Variants in ADK observed in about 807,000 individuals in gnomAD.
ADK encodes adenosine kinase.
A neutral mutation model predicts 44.7 loss-of-function variants in ADK; 24 were observed. The ratio of observed to expected loss-of-function variants is 0.54; its 90% CI spans 0.39 to 0.76. The LOEUF (loss-of-function observed/expected upper bound fraction) is 0.76. Ranked by LOEUF, ADK falls within the 30% of genes least tolerant of loss-of-function variation. ADK has a pLI of 0.00. For synonymous variants in ADK, 128 were observed against 142.6 expected, an observed-to-expected ratio of 0.90 and a Z score of 0.73; for missense variants, 321 against 425.1, an observed-to-expected ratio of 0.76 and a Z score of 2.15.
chr10:74,200,540 T>C (rs920933711), intron 1 of ADK, among the ~76,000 whole-genome samples: 3 of 151,986 alleles, frequency 2.0e-5, no homozygotes, highest in Admixed American at 2.0e-4. Flanking sequence ...TGTCTCATTG[T>C]AGTTTTGATT....
chr10:74,291,431 CAACAACAACAAT>C (rs1309304911), intron 3 of ADK, among the ~76,000 whole-genome samples: 1 of 151,954 alleles, frequency 6.6e-6, no homozygotes, highest in African/African-American at 2.4e-5. Context: ...ACAACAACAA[CAACAACAACAAT>C]AACAACAAAA....
chr10:74,489,598 C>T (rs1203647180), intron 6 of ADK, among the ~76,000 whole-genome samples: 1 of 151,860 alleles, frequency 6.6e-6, no homozygotes, highest in Non-Finnish European at 1.5e-5. Flanking sequence ...ATTCTGTTTC[C>T]TAAGGCATTC....
chr10:74,668,282 T>C (rs1199618969), intron 9 of ADK, among the ~76,000 whole-genome samples: 3 of 152,198 alleles, frequency 2.0e-5, no homozygotes, highest in Admixed American at 2.0e-4. Flanking sequence ...GTATTTCTAA[T>C]AAAGTCTGCT....
At chr10:74,412,786 A>C (rs913193356) in intron 6 of ADK, among the ~76,000 whole-genome samples, 1 of 152,184 alleles carries the variant, frequency 6.6e-6, no homozygotes. Context: ...AGCTGGGCAC[A>C]GTGGCTTATG....
At chr10:74,622,956 G>A (rs139236357) in intron 9 of ADK, among the ~76,000 whole-genome samples, 1,728 of 150,996 alleles carry the variant, frequency 0.011, 14 homozygotes, top group Non-Finnish European at 0.016. Flanking sequence ...GCGGTGAGCC[G>A]AGATCACACT....
At chr10:74,516,352 G>A (rs1245892926) in intron 6 of ADK, among the ~76,000 whole-genome samples, 3 of 152,030 alleles carry the variant, frequency 2.0e-5, no homozygotes, top group Admixed American at 1.3e-4. Flanking sequence ...CACCACAGGT[G>A]CATCTTCATT....
intron 3 of ADK, among the ~76,000 whole-genome samples, chr10:74,261,056 C>T (rs1314095320): frequency 2.0e-5 from 3 of 152,058 alleles, no homozygotes; most frequent in Non-Finnish European, 4.4e-5. Context: ...TACCTGTGCA[C>T]CCAGTTCTGA....
At chr10:74,206,141 G>T in intron 2 of ADK, among the ~76,000 whole-genome samples, 1 of 152,082 alleles carries the variant, frequency 6.6e-6, no homozygotes, top group East Asian at 1.9e-4. Context: ...AAAGTAAAGA[G>T]CAACTTAAAA....
chr10:74,332,479 G>T (rs1841252618), intron 4 of ADK, among the ~76,000 whole-genome samples: 1 of 152,200 alleles, frequency 6.6e-6, no homozygotes, highest in South Asian at 2.1e-4. Context: ...TCTCTTTGGA[G>T]ACTAGTATAA....
At chr10:74,564,258 A>G (rs954054366) in intron 7 of ADK, among the ~76,000 whole-genome samples, 5 of 152,144 alleles carry the variant, frequency 3.3e-5, no homozygotes, top group African/African-American at 1.2e-4. Context: ...AAGACGATTT[A>G]AGTTAAATGC....
chr10:74,530,014 A>G (rs890378613), intron 7 of ADK, among the ~76,000 whole-genome samples: 1 of 152,208 alleles, frequency 6.6e-6, no homozygotes, highest in Non-Finnish European at 1.5e-5. Flanking sequence ...AAATAATACA[A>G]CACCTTAATA....
At chr10:74,405,380 T>C (rs902115702) in intron 6 of ADK, among the ~76,000 whole-genome samples, 1 of 151,876 alleles carries the variant, frequency 6.6e-6, no homozygotes, top group Non-Finnish European at 1.5e-5. Context: ...TTTTTTTTTT[T>C]TCAAATGTGA....
chr10:74,168,310 C>A (rs1289368013), intron 1 of ADK, among the ~76,000 whole-genome samples: 2 of 152,006 alleles, frequency 1.3e-5, no homozygotes, highest in East Asian at 1.9e-4. Context: ...GAGGCCGAGG[C>A]GGGCAGATCA....
intron 9 of ADK, among the ~76,000 whole-genome samples, chr10:74,629,266 G>A (rs1015468756): frequency 6.6e-6 from 1 of 152,134 alleles, no homozygotes; most frequent in Non-Finnish European, 1.5e-5. Context: ...CTGGCCTCAA[G>A]TGATTCTCCT....
At chr10:74,651,705 C>A (rs1454133560) in intron 9 of ADK, among the ~76,000 whole-genome samples, 1 of 152,154 alleles carries the variant, frequency 6.6e-6, no homozygotes, top group East Asian at 1.9e-4. Context: ...CTCCCACCAT[C>A]AATGTGAGGT....
At chr10:74,197,696 T>TAA (rs1468748427) in intron 1 of ADK, among the ~76,000 whole-genome samples, 7 of 79,222 alleles carry the variant, frequency 8.8e-5, no homozygotes, top group Non-Finnish European at 8.4e-5. Context: ...AGACTCCGTC[T>TAA]AAAAAAAAAA....
chr10:74,300,125 C>A (rs1035191610), intron 3 of ADK, among the ~76,000 whole-genome samples: 1 of 151,256 alleles, frequency 6.6e-6, no homozygotes, highest in Non-Finnish European at 1.5e-5. Context: ...CTCATGTGAT[C>A]CTCCTGCCTC....
intron 1 of ADK, among the ~76,000 whole-genome samples, chr10:74,191,195 G>C (rs968772765): frequency 1.3e-5 from 2 of 151,994 alleles, no homozygotes; most frequent in African/African-American, 4.8e-5. Flanking sequence ...TGGCCAGGCT[G>C]GTCTCGAACT....
intron 7 of ADK, among the ~76,000 whole-genome samples, chr10:74,557,332 A>G (rs571394383): frequency 1.3e-5 from 2 of 152,234 alleles, no homozygotes; most frequent in East Asian, 3.9e-4. Flanking sequence ...TAATTTAAAA[A>G]CCATTTATAT....
Sources: gnomAD v4.1 joint callset for allele counts (sites outside exome capture counted in the v4.1 genomes callset) on GRCh38, gnomAD v4.1.1 for gene constraint, MANE v1.5 for transcripts, NCBI Gene and HGNC (gene_info 2026-07-23, HGNC 2026-07-21) for gene names.